MTHFD1L: variants seen among roughly 807,000 people sequenced by gnomAD.
The protein encoded by MTHFD1L is methylenetetrahydrofolate dehydrogenase (NADP+ dependent) 1 like.
In MTHFD1L, 81 loss-of-function variants were observed where a neutral mutation model predicts 119.5. The observed-to-expected ratio is 0.68, with a 90% CI of 0.57 to 0.82. The LOEUF (loss-of-function observed/expected upper bound fraction) is 0.82. Ranked by LOEUF, MTHFD1L falls within the 40% of genes least tolerant of loss-of-function variation. MTHFD1L has a pLI of 0.00. For missense variants in MTHFD1L, 1,125 were observed against 1,253.4 expected (o/e 0.90, Z 1.55); for synonymous variants, 430 against 475.2 (o/e 0.90, Z 1.24).
At position 151,015,693 on chromosome 6, in the gene MTHFD1L, G is replaced by C; in HGVS notation, c.2586G>C (p.Gln862His). The C allele has an allele frequency of 9.9e-6, 16 of 1,612,816 alleles. No homozygotes were observed. Among genetic ancestry groups the C allele is most frequent in the Non-Finnish European group, 1.3e-5 (15 of 1,179,540 alleles). ...RSRFQFLYDV[Q>H]VPIVDKIRTI... ...GATTCCAGTTCCTGTATGATGTTCA[G>C]GTAAGATCTAGTAAAAACAATGGCT... The change falls in exon 24 of 28, where the codon CAG becomes CAC. Residue 862 changes from glutamine (Q) to histidine (H), a missense_variant and splice_region_variant. Physicochemically the swap from Gln to His is conservative, Grantham distance 24. Coordinates refer to ENST00000367321, the MANE Select transcript of MTHFD1L (RefSeq NM_015440.5).
At chr6:150,869,306 C>T (rs1000280702) in intron 1 of MTHFD1L, among the ~76,000 whole-genome samples, 1 of 152,028 alleles carries the variant, frequency 6.6e-6, no homozygotes, top group Non-Finnish European at 1.5e-5. Context: ...AGGTATTTGT[C>T]CTAATGCTCT....
chr6:151,013,833 G>C lies in MTHFD1L; in HGVS notation c.2307+13G>C, dbSNP rs1377445761. ...ATATACAGAGGAGGTAAGAGGAGCTGTTTAGATGCTTATGTGAAGAATCTC... is the reference window on the plus strand; with the variant it reads ...ATATACAGAGGAGGTAAGAGGAGCTCTTTAGATGCTTATGTGAAGAATCTC... On this transcript the variant is annotated intron_variant, in intron 22 of 27. Coordinates refer to ENST00000367321, the MANE Select transcript of MTHFD1L (RefSeq NM_015440.5). The C allele has an allele frequency of 2.5e-6, 4 of 1,608,010 alleles. No homozygotes were observed. Among genetic ancestry groups the C allele is most frequent in the Non-Finnish European group, 3.4e-6 (4 of 1,175,750 alleles).
chr6:150,960,216 G>C, intron 17 of MTHFD1L, 59 bp from the exon 18 acceptor site: 1 of 1,542,788 alleles, frequency 6.5e-7, no homozygotes, highest in Non-Finnish European at 8.7e-7. Flanking sequence ...AGCTCCTTGT[G>C]GGAATGGCCA....
At chr6:150,938,000 C>T (rs778777179) in intron 12 of MTHFD1L, among the ~76,000 whole-genome samples, 2 of 151,912 alleles carry the variant, frequency 1.3e-5, no homozygotes, top group Non-Finnish European at 2.9e-5. Context: ...GGTGGTTATG[C>T]GGTGGTTTTT....
Position 150,885,613 on chromosome 6 carries a change from CTT to C in MTHFD1L, c.543-20_543-19del, listed in dbSNP as rs1294612560. 4 of 1,601,552 alleles carry C rather than the reference CTT, an allele frequency of 2.5e-6. No homozygotes were observed. In the Admixed American group the frequency reaches 6.7e-5, roughly 27 times the overall value. On this transcript the variant is annotated intron_variant, in intron 5 of 27. Coordinates refer to ENST00000367321, the MANE Select transcript of MTHFD1L (RefSeq NM_015440.5). ...TTTGGCTGGGCTTTGACTTAACCTA[CTT>C]CTTTATTTTCTGATTCAGAGTAACA...
chr6:150,939,146 G>A (rs2128943768), intron 13 of MTHFD1L: 1 of 207,166 alleles, frequency 4.8e-6, no homozygotes. Context: ...ATGTGGGTCT[G>A]TGCCTCCCTT....
chr6:151,041,290 C>T (rs1459519702), intron 26 of MTHFD1L, among the ~76,000 whole-genome samples: 1 of 152,220 alleles, frequency 6.6e-6, no homozygotes, highest in African/African-American at 2.4e-5. Flanking sequence ...TTTATTTTTA[C>T]TTGACCCCAT....
chr6:151,070,271 G>GTA (rs1269060731), intron 26 of MTHFD1L, among the ~76,000 whole-genome samples: 4 of 152,164 alleles, frequency 2.6e-5, no homozygotes, highest in Non-Finnish European at 4.4e-5. Flanking sequence ...CAACCTGAGA[G>GTA]TTACTCTCCC....
At chr6:151,017,138 A>G (rs1327659961) in intron 24 of MTHFD1L, among the ~76,000 whole-genome samples, 1 of 152,022 alleles carries the variant, frequency 6.6e-6, no homozygotes, top group East Asian at 1.9e-4. Flanking sequence ...CATGCAGCCA[A>G]TCTCCAGAAC....
chr6:151,030,215 C>T (rs1584224828), intron 24 of MTHFD1L, among the ~76,000 whole-genome samples: 1 of 152,186 alleles, frequency 6.6e-6, no homozygotes, highest in East Asian at 1.9e-4. Flanking sequence ...GATTTAACCA[C>T]ACATAAGGAG....
rs939010058 is a variant in MTHFD1L at position 150,945,411 on chromosome 6, C to T, written c.1549-56C>T. 2.8e-6 allele frequency: 4 copies of T among 1,424,244 alleles called. No homozygotes were observed. The African/African-American group carries it at 5.7e-5, about 20-fold the overall frequency. The allele number at this position is 1,424,244 out of a possible 1,614,324, so 88.2% of individuals were successfully genotyped here. On this transcript the variant is annotated intron_variant, in intron 14 of 27. Coordinates refer to ENST00000367321, the MANE Select transcript of MTHFD1L (RefSeq NM_015440.5). Reference sequence around the variant, plus strand: ...ATTTTTGTCATATCCTGTGAATTGTCCAAGTTCATGGACAACTAACTTTTG... The same window carrying T: ...ATTTTTGTCATATCCTGTGAATTGTTCAAGTTCATGGACAACTAACTTTTG...
At chr6:150,921,874 A>G (rs182329762) in intron 9 of MTHFD1L, among the ~76,000 whole-genome samples, 290 of 152,362 alleles carry the variant, frequency 1.9e-3, no homozygotes, top group Admixed American at 2.9e-3. Context: ...AAGAGCTAAT[A>G]GTCTGCAAGG....
chr6:151,012,876 C>T (rs1408938109), intron 21 of MTHFD1L, among the ~76,000 whole-genome samples: 1 of 152,138 alleles, frequency 6.6e-6, no homozygotes, highest in African/African-American at 2.4e-5. Context: ...GAGAATTCTC[C>T]TGCTCTCAGG....
At chr6:151,043,553 G>T (rs1459432495) in intron 26 of MTHFD1L, among the ~76,000 whole-genome samples, 1 of 152,088 alleles carries the variant, frequency 6.6e-6, no homozygotes, top group Non-Finnish European at 1.5e-5. Flanking sequence ...AAACAACAAT[G>T]CATTTTCATA....
chr6:150,892,488 G>A (rs1176920724), intron 7 of MTHFD1L, among the ~76,000 whole-genome samples: 3 of 152,032 alleles, frequency 2.0e-5, no homozygotes, highest in Non-Finnish European at 4.4e-5. Flanking sequence ...TTGCACACAC[G>A]TTTTTTTCCC....
intron 20 of MTHFD1L, among the ~76,000 whole-genome samples, chr6:151,004,034 G>T (rs760065496): frequency 4.0e-5 from 6 of 149,044 alleles, no homozygotes; most frequent in Non-Finnish European, 5.9e-5. Flanking sequence ...AAAAGAGAGA[G>T]AGAGATTGGT....
chr6:150,992,210 C>T (rs1312666805), intron 20 of MTHFD1L, among the ~76,000 whole-genome samples: 2 of 152,172 alleles, frequency 1.3e-5, no homozygotes, highest in South Asian at 4.1e-4. Context: ...GAGATGTGCA[C>T]GTGGTATAAC....
rs147917720 is a variant in MTHFD1L, at chr6:151,060,076, C to T, written c.2847+22959C>T. On this transcript the variant is annotated intron_variant, in intron 26 of 27. Coordinates refer to ENST00000367321, the MANE Select transcript of MTHFD1L (RefSeq NM_015440.5). ...ACCCTGCCATAAACAACTCAGTTAA[C>T]GTTTACATAGTAAATAATTGCATTG... Among the ~76,000 whole-genome samples the T allele has an allele frequency of 1.3e-3, 194 of 152,266 alleles. 1 individual carries two copies. The highest frequency in any genetic ancestry group is 4.2e-3 in the African/African-American group (176 of 41,560).
rs751270773 is a variant in MTHFD1L at position 150,971,970 on chromosome 6, G to T, written c.2037G>T (p.Ala679=). The T allele has an allele frequency of 2.5e-6, 4 of 1,614,010 alleles. No homozygotes were observed. The South Asian group carries it at 4.4e-5, about 18-fold the overall frequency. The change falls in exon 20 of 28, where the codon GCG becomes GCT. Residue 679 remains alanine, a synonymous_variant. Coordinates refer to ENST00000367321, the MANE Select transcript of MTHFD1L (RefSeq NM_015440.5). ...AGGGGACACCTGTGTTCGTGCATGCGGGCCCTTTTGCTAACATTGCTCACG... is the reference window on the plus strand; with the variant it reads ...AGGGGACACCTGTGTTCGTGCATGCTGGCCCTTTTGCTAACATTGCTCACG... ...TLEGTPVFVH[A]GPFANIAHGN...
Sources: allele counts gnomAD v4.1 joint callset (sites outside exome capture counted in the v4.1 genomes callset), GRCh38; gene constraint gnomAD v4.1.1; transcripts MANE v1.5; gene names NCBI Gene and HGNC (gene_info 2026-07-23, HGNC 2026-07-21).